The following PIGK variants were observed in gnomAD, a reference collection of about 807,000 sequenced individuals.
PIGK encodes phosphatidylinositol glycan anchor biosynthesis class K.
In PIGK, 42 loss-of-function variants were observed where a neutral mutation model predicts 50.6. That is an observed-to-expected ratio of 0.83 (90% CI 0.65 to 1.07). The LOEUF (loss-of-function observed/expected upper bound fraction) is 1.07, where lower values mean the gene tolerates loss of function less well. PIGK is among the 50% of genes least tolerant of loss of function. The probability of loss-of-function intolerance (pLI) is 0.00; values close to 1 mark genes in which losing one functional copy is unlikely to be tolerated. For synonymous variants in PIGK, 151 were observed against 156.0 expected, an observed-to-expected ratio of 0.97 and a Z score of 0.24; for missense variants, 448 against 488.7, an observed-to-expected ratio of 0.92 and a Z score of 0.78.
At chr1:77,148,448 C>A (rs1229740171) in intron 9 of PIGK, among the ~76,000 whole-genome samples, 1 of 152,180 alleles carries the variant, frequency 6.6e-6, no homozygotes, top group Non-Finnish European at 1.5e-5. Context: ...AAGTAATTTT[C>A]TCCTTGATTA....
intron 9 of PIGK, among the ~76,000 whole-genome samples, chr1:77,140,390 C>A (rs967680719): frequency 2.6e-5 from 4 of 152,010 alleles, no homozygotes; most frequent in African/African-American, 9.7e-5. Context: ...CTATTCTCAC[C>A]ATATGATGTG....
intron 3 of PIGK, among the ~76,000 whole-genome samples, chr1:77,183,022 A>T (rs1254678904): frequency 6.6e-6 from 1 of 152,196 alleles, no homozygotes; most frequent in East Asian, 1.9e-4. Flanking sequence ...ATCTGCTAAG[A>T]TTGCCCTGAC....
chr1:77,121,893 T>C lies in PIGK; in HGVS notation c.1071+382A>G, dbSNP rs1224241133. On this transcript the variant is annotated intron_variant, in intron 10 of 10. Transcript: ENST00000370812. ...GTAAAGGATGCAGGGCAAGATTGTTTTCTCTTTTTAGTGACTCCAAAAAAT... is the reference window on the plus strand; with the variant it reads ...GTAAAGGATGCAGGGCAAGATTGTTCTCTCTTTTTAGTGACTCCAAAAAAT... Among the ~76,000 whole-genome samples, 3 of 152,222 alleles carry C rather than the reference T, an allele frequency of 2.0e-5. No individual in the cohort carries two copies. The East Asian group carries it at 5.8e-4, about 29-fold the overall frequency.
intron 9 of PIGK, among the ~76,000 whole-genome samples, chr1:77,130,557 ATATT>A (rs1266483959): frequency 6.6e-6 from 1 of 152,092 alleles, no homozygotes; most frequent in Non-Finnish European, 1.5e-5. Flanking sequence ...AATATGTTGT[ATATT>A]TATTTACCTA....
At chr1:77,166,602 C>T in intron 5 of PIGK, 117 bp downstream of exon 5, 1 of 582,814 alleles carries the variant, frequency 1.7e-6, no homozygotes, top group South Asian at 2.5e-5. Context: ...AATATAACTA[C>T]ATGAGAAACC....
chr1:77,153,623 A>C (rs1405630492), intron 9 of PIGK: 1 of 148,282 alleles, frequency 6.7e-6, no homozygotes, highest in East Asian at 1.9e-4. Flanking sequence ...TACAAATATT[A>C]TACATCAATT....
intron 3 of PIGK, among the ~76,000 whole-genome samples, chr1:77,199,800 C>G (rs1389775401): frequency 6.6e-6 from 1 of 151,892 alleles, no homozygotes; most frequent in Non-Finnish European, 1.5e-5. Flanking sequence ...ATCTTCTCCC[C>G]AAGAATTACA....
At chr1:77,126,752 A>T (rs1285206603) in intron 9 of PIGK, among the ~76,000 whole-genome samples, 2 of 152,306 alleles carry the variant, frequency 1.3e-5, no homozygotes, top group Admixed American at 1.3e-4. Flanking sequence ...AGAAAACTAC[A>T]AATATTAATT....
At chr1:77,184,076 T>C (rs577577883) in intron 3 of PIGK, among the ~76,000 whole-genome samples, 1 of 152,198 alleles carries the variant, frequency 6.6e-6, no homozygotes, top group East Asian at 1.9e-4. Context: ...GATCCCAAGG[T>C]GGCAAGGGCC....
intron 10 of PIGK, among the ~76,000 whole-genome samples, chr1:77,117,060 G>C (rs1653991097): frequency 6.6e-6 from 1 of 152,140 alleles, no homozygotes; most frequent in East Asian, 1.9e-4. Context: ...ACTGACTGCA[G>C]ACACCCATCT....
intron 10 of PIGK, among the ~76,000 whole-genome samples, chr1:77,108,456 T>C (rs1653749129): frequency 6.6e-6 from 1 of 152,176 alleles, no homozygotes; most frequent in Admixed American, 6.5e-5. Flanking sequence ...TGCCGAGAGA[T>C]CTGCTGTTAG....
intron 9 of PIGK, among the ~76,000 whole-genome samples, chr1:77,151,823 TGATGAAATAAATTGAA>T (rs1436789089): frequency 6.6e-6 from 1 of 152,086 alleles, no homozygotes; most frequent in East Asian, 1.9e-4. Flanking sequence ...TACACAAACC[TGATGAAATAAATTGAA>T]GAAGACACAA....
chr1:77,097,954 C>T (rs1653458080), intron 10 of PIGK, among the ~76,000 whole-genome samples: 2 of 151,968 alleles, frequency 1.3e-5, no homozygotes, highest in East Asian at 1.9e-4. Flanking sequence ...GAGGGGTAAA[C>T]AGTCAGAAAT....
At chr1:77,123,309 A>G (rs1654145565) in intron 9 of PIGK, among the ~76,000 whole-genome samples, 1 of 152,186 alleles carries the variant, frequency 6.6e-6, no homozygotes, top group Non-Finnish European at 1.5e-5. Context: ...AAAAATTACT[A>G]AACTTTAATT....
intron 3 of PIGK, chr1:77,195,357 G>A: frequency 1.6e-6 from 2 of 1,258,406 alleles, no homozygotes; most frequent in Non-Finnish European, 1.1e-6. Context: ...CGGAGGCACA[G>A]GCACTTCTCC....
rs1209907975 is a variant in PIGK, at chr1:77,089,620, C to T, written c.*2754G>A. ...AAAATACTCAGTAAGCAGAAACAAG[C>T]TGAGTTATGCTTCTTGTGGGAATCA... On this transcript the variant is annotated 3_prime_UTR_variant, in exon 11 of 11. Coordinates refer to ENST00000370812, the MANE Select transcript of PIGK (RefSeq NM_005482.3). 5 of 152,534 alleles carry T rather than the reference C, an allele frequency of 3.3e-5. No homozygotes were observed. Among genetic ancestry groups the T allele is most frequent in the African/African-American group, 1.2e-4 (5 of 41,408 alleles). The allele number at this position is 152,534 out of a possible 1,614,324, so 9.4% of individuals were successfully genotyped here.
chr1:77,143,307 T>G (rs1255051840), intron 9 of PIGK, among the ~76,000 whole-genome samples: 1 of 152,126 alleles, frequency 6.6e-6, no homozygotes, highest in Non-Finnish European at 1.5e-5. Context: ...AAATATGCCA[T>G]AAGTATCTGA....
At chr1:77,164,093 C>T in intron 5 of PIGK, 151 bp from the exon 6 acceptor site, 1 of 513,312 alleles carries the variant, frequency 1.9e-6, no homozygotes, top group Non-Finnish European at 3.4e-6. Flanking sequence ...ATTGAATTTT[C>T]TACTATGCCA....
chr1:77,108,711 G>A (rs533351821), intron 10 of PIGK, among the ~76,000 whole-genome samples: 24 of 152,236 alleles, frequency 1.6e-4, no homozygotes, highest in East Asian at 9.6e-4. Context: ...CATTCTCCCC[G>A]TCACTTTCAG....
Sources: gnomAD v4.1 joint callset for allele counts (sites outside exome capture counted in the v4.1 genomes callset) on GRCh38, gnomAD v4.1.1 for gene constraint, MANE v1.5 for transcripts, NCBI Gene and HGNC (gene_info 2026-07-23, HGNC 2026-07-21) for gene names.